Variants in CACNA2D3 observed in about 807,000 individuals in gnomAD.
CACNA2D3 encodes voltage-dependent calcium channel subunit alpha-2/delta-3.
CACNA2D3 carries 60 observed loss-of-function variants against 160.6 expected under a neutral mutation model. The observed-to-expected ratio is 0.37, with a 90% CI of 0.30 to 0.46. The LOEUF is 0.46. Among genes scored for constraint, CACNA2D3 ranks in the 20% least tolerant of loss-of-function variants. The pLI is 1.00. For synonymous variants in CACNA2D3, 558 were observed against 492.9 expected (o/e 1.13, Z -1.75); for missense variants, 1,205 against 1,365.0 (o/e 0.88, Z 1.85).
chr3:54,611,634 T>A (rs762708439), intron 9 of CACNA2D3, among the ~76,000 whole-genome samples: 4 of 152,226 alleles, frequency 2.6e-5, no homozygotes, highest in Non-Finnish European at 4.4e-5. Context: ...TGATGAGGCC[T>A]GGGGCCCAGG....
At chr3:55,033,870 AAT>A (rs935929955) in intron 35 of CACNA2D3, among the ~76,000 whole-genome samples, 3 of 127,634 alleles carry the variant, frequency 2.4e-5, no homozygotes. Context: ...TTTAATATAT[AAT>A]ATATATTACA....
At chr3:54,817,659 A>G (rs1204663176) in intron 14 of CACNA2D3, among the ~76,000 whole-genome samples, 1 of 152,192 alleles carries the variant, frequency 6.6e-6, no homozygotes, top group East Asian at 1.9e-4. Flanking sequence ...TGAAATTTAA[A>G]CAGCATCTCC....
At chr3:54,195,550 G>C (rs1701063196) in intron 2 of CACNA2D3, among the ~76,000 whole-genome samples, 2 of 152,242 alleles carry the variant, frequency 1.3e-5, no homozygotes, top group African/African-American at 4.8e-5. Flanking sequence ...AGTTGATGCA[G>C]TTATAGTCCC....
intron 2 of CACNA2D3, among the ~76,000 whole-genome samples, chr3:54,230,486 C>T (rs12485692): frequency 0.029 from 4,357 of 152,200 alleles, 181 homozygotes; most frequent in East Asian, 0.21. Context: ...TAGATAATTT[C>T]GAAGAGAATA....
At chr3:54,175,486 G>A (rs999655993) in intron 2 of CACNA2D3, among the ~76,000 whole-genome samples, 7 of 151,818 alleles carry the variant, frequency 4.6e-5, no homozygotes, top group Non-Finnish European at 8.8e-5. Flanking sequence ...GGTGGCGGGC[G>A]CCTGTAGTCC....
intron 10 of CACNA2D3, among the ~76,000 whole-genome samples, chr3:54,640,721 G>C (rs1699499422): frequency 6.6e-6 from 1 of 152,100 alleles, no homozygotes; most frequent in South Asian, 2.1e-4. Flanking sequence ...AAATACTTGG[G>C]CTTCTCAAGT....
chr3:54,210,854 A>AT (rs1253318222), intron 2 of CACNA2D3, among the ~76,000 whole-genome samples: 3 of 152,168 alleles, frequency 2.0e-5, no homozygotes, highest in Admixed American at 2.0e-4. Context: ...GTCCTTGGTA[A>AT]TGTGTAAAAC....
intron 31 of CACNA2D3, among the ~76,000 whole-genome samples, chr3:54,995,394 A>G (rs954659059): frequency 2.0e-5 from 3 of 152,128 alleles, no homozygotes; most frequent in Non-Finnish European, 4.4e-5. Flanking sequence ...GTCTTTTTTC[A>G]TCTCTTATGG....
intron 4 of CACNA2D3, among the ~76,000 whole-genome samples, chr3:54,462,204 G>A (rs1267507221): frequency 6.6e-6 from 1 of 152,116 alleles, no homozygotes; most frequent in Non-Finnish European, 1.5e-5. Flanking sequence ...CCAGTATGTG[G>A]TCCATTTTGG....
At chr3:54,307,273 A>G (rs567440471) in intron 2 of CACNA2D3, among the ~76,000 whole-genome samples, 7 of 152,296 alleles carry the variant, frequency 4.6e-5, no homozygotes, top group African/African-American at 1.7e-4. Flanking sequence ...TTTAGAGGGT[A>G]AAGATGATGT....
At chr3:54,927,888 A>G in intron 27 of CACNA2D3, 1 of 1,613,624 alleles carries the variant, frequency 6.2e-7, no homozygotes, top group Non-Finnish European at 8.5e-7. Context: ...TTCCAACGGG[A>G]ATTGATCAGG....
intron 2 of CACNA2D3, among the ~76,000 whole-genome samples, chr3:54,279,140 C>G (rs906601705): frequency 3.9e-5 from 6 of 152,146 alleles, no homozygotes; most frequent in Non-Finnish European, 8.8e-5. Flanking sequence ...TTGTGAGGCT[C>G]CAACGATGGA....
chr3:54,498,512 AATTAT>A (rs930136431), intron 4 of CACNA2D3, among the ~76,000 whole-genome samples: 3 of 151,778 alleles, frequency 2.0e-5, no homozygotes, highest in Non-Finnish European at 2.9e-5. Flanking sequence ...TAATTTTGTT[AATTAT>A]ATTAACCAAA....
chr3:54,329,028 C>T (rs1189477363), intron 3 of CACNA2D3, among the ~76,000 whole-genome samples: 1 of 152,186 alleles, frequency 6.6e-6, no homozygotes, highest in Non-Finnish European at 1.5e-5. Context: ...GCCCCTCTCA[C>T]CGGGAAGGGG....
At chr3:54,635,239 TAAAAGGTCTAA>T (rs1699345504) in intron 10 of CACNA2D3, among the ~76,000 whole-genome samples, 1 of 151,950 alleles carries the variant, frequency 6.6e-6, no homozygotes, top group Non-Finnish European at 1.5e-5. Flanking sequence ...AAAACAGGTA[TAAAAGGTCTAA>T]GAATTGGGAG....
At chr3:54,478,669 T>TATATATAAATACATATATATATATATAC in intron 4 of CACNA2D3, among the ~76,000 whole-genome samples, 1 of 128,670 alleles carries the variant, frequency 7.8e-6, no homozygotes, top group East Asian at 2.1e-4. Flanking sequence ...TGTATATATA[T>TATATATAAATACATATATATATATATAC]ATATATATAT....
Position 54,725,185 on chromosome 3 carries a change from C to T in CACNA2D3, c.1168-27414C>T, listed in dbSNP as rs144836097. Among the ~76,000 whole-genome samples, 36 of 152,230 alleles carry T rather than the reference C, an allele frequency of 2.4e-4. 1 individual carries two copies. The East Asian group carries it at 6.6e-3, about 28-fold the overall frequency. On this transcript the variant is annotated intron_variant, in intron 11 of 37. Transcript: ENST00000474759. ...TAGAAGAAATGGATAAATTTCTTGA[C>T]ACATATACCCTCCCAAGTCTAAACC...
chr3:54,288,749 G>A lies in CACNA2D3; in HGVS notation c.205-31693G>A, dbSNP rs577171026. Reference sequence around the variant, plus strand: ...ATGATCAAGTGGGCTTCATCCCTGGGATGCAAGGCTGGTTCAATATACGCA... The same window carrying A: ...ATGATCAAGTGGGCTTCATCCCTGGAATGCAAGGCTGGTTCAATATACGCA... On this transcript the variant is annotated intron_variant, in intron 2 of 37. Transcript: ENST00000474759. Among the ~76,000 whole-genome samples the A allele has an allele frequency of 3.9e-3, 591 of 152,194 alleles. 7 individuals are homozygous for A. Among genetic ancestry groups the A allele is most frequent in the African/African-American group, 0.013 (550 of 41,510 alleles).
intron 29 of CACNA2D3, among the ~76,000 whole-genome samples, chr3:54,981,060 C>T (rs1405894664): frequency 6.6e-6 from 1 of 152,192 alleles, no homozygotes; most frequent in Non-Finnish European, 1.5e-5. Flanking sequence ...ATAAAAGACT[C>T]ATTCCCTAAA....
Sources: allele counts gnomAD v4.1 joint callset (sites outside exome capture counted in the v4.1 genomes callset), GRCh38; gene constraint gnomAD v4.1.1; transcripts MANE v1.5; gene names NCBI Gene and HGNC (gene_info 2026-07-23, HGNC 2026-07-21).